Variants in CCDC192 observed in about 807,000 individuals in gnomAD.
CCDC192 encodes the protein coiled-coil domain-containing protein 192.
chr5:127,704,182 A>C (rs1279441375), intron 1 of CCDC192, among the ~76,000 whole-genome samples: 1 of 151,876 alleles, frequency 6.6e-6, no homozygotes, highest in Non-Finnish European at 1.5e-5. Flanking sequence ...TGCTTTTTAA[A>C]GTTTTTGTTT....
At chr5:127,812,223 AT>A (rs1758121200) in intron 5 of CCDC192, among the ~76,000 whole-genome samples, 1 of 152,244 alleles carries the variant, frequency 6.6e-6, no homozygotes, top group Non-Finnish European at 1.5e-5. Context: ...AAACAAAAAA[AT>A]AAAACAACAA....
At chr5:127,815,867 GA>G (rs937759014) in intron 5 of CCDC192, among the ~76,000 whole-genome samples, 30 of 144,046 alleles carry the variant, frequency 2.1e-4, no homozygotes, top group African/African-American at 6.5e-4. Flanking sequence ...GACTCTGTCT[GA>G]AAAAAAAAAT....
At position 127,853,642 on chromosome 5, in the gene CCDC192, G is replaced by A. The variant is rs554916096; in HGVS notation, c.412-21896G>A. Among the ~76,000 whole-genome samples, 18 of 152,140 alleles carry A rather than the reference G, an allele frequency of 1.2e-4. 1 individual carries two copies. In the South Asian group the frequency reaches 3.3e-3, roughly 28 times the overall value. On this transcript the variant is annotated intron_variant, in intron 5 of 6. Transcript: ENST00000514853. ...ACAAGAATTATCCGGGCGTGGTGAT[G>A]GGCACCTGTAATCCCAGCTACTCTG...
intron 5 of CCDC192, among the ~76,000 whole-genome samples, chr5:127,810,102 A>G (rs997970427): frequency 2.0e-5 from 3 of 152,210 alleles, no homozygotes; most frequent in African/African-American, 7.2e-5. Context: ...TGTTTCAGCC[A>G]CTTTAAGTTT....
chr5:127,806,813 G>T (rs1757812769), intron 5 of CCDC192, among the ~76,000 whole-genome samples: 1 of 152,028 alleles, frequency 6.6e-6, no homozygotes, highest in African/African-American at 2.4e-5. Flanking sequence ...TATTTTTATT[G>T]TTCTTAAAAA....
intron 5 of CCDC192, among the ~76,000 whole-genome samples, chr5:127,805,290 T>A (rs1757720431): frequency 6.6e-6 from 1 of 152,170 alleles, no homozygotes; most frequent in Non-Finnish European, 1.5e-5. Flanking sequence ...CCCTCCTTGA[T>A]CAGCAGAAGA....
chr5:127,782,152 C>T (rs1032369370), intron 3 of CCDC192, among the ~76,000 whole-genome samples: 2 of 152,094 alleles, frequency 1.3e-5, no homozygotes, highest in Admixed American at 6.5e-5. Flanking sequence ...GTTAAATCAT[C>T]CCTGGTATGA....
At chr5:127,890,704 A>G (rs767558095) in intron 6 of CCDC192, among the ~76,000 whole-genome samples, 6 of 152,242 alleles carry the variant, frequency 3.9e-5, no homozygotes, top group Non-Finnish European at 7.3e-5. Flanking sequence ...TGCCTGTGAA[A>G]TAAAATTAAC....
chr5:127,763,807 G>A (rs942207132), intron 3 of CCDC192, among the ~76,000 whole-genome samples: 9 of 151,978 alleles, frequency 5.9e-5, no homozygotes, highest in African/African-American at 4.8e-5. Context: ...CTTTCCCTCT[G>A]CTTCTGCCTA....
intron 2 of CCDC192, among the ~76,000 whole-genome samples, chr5:127,719,924 G>T (rs1228885): frequency 4.0e-5 from 6 of 151,418 alleles, no homozygotes; most frequent in African/African-American, 1.5e-4. Flanking sequence ...TCCACCCCCC[G>T]ATCCAATCAT....
At chr5:127,785,081 T>C (rs966129932) in intron 3 of CCDC192, 40 of 515,552 alleles carry the variant, frequency 7.8e-5, no homozygotes, top group African/African-American at 7.3e-4. Context: ...TGCTGTACAG[T>C]GTAGGCATCT....
chr5:127,923,877 T>G (rs1462498937), intron 6 of CCDC192, among the ~76,000 whole-genome samples: 1 of 152,212 alleles, frequency 6.6e-6, no homozygotes, highest in Non-Finnish European at 1.5e-5. Context: ...TTATGAAGAA[T>G]GCAACCACCT....
intron 3 of CCDC192, among the ~76,000 whole-genome samples, chr5:127,789,121 G>A (rs913465297): frequency 1.3e-5 from 2 of 152,174 alleles, no homozygotes; most frequent in African/African-American, 2.4e-5. Context: ...AAGTCACCAA[G>A]CCTGTGATAT....
intron 5 of CCDC192, among the ~76,000 whole-genome samples, chr5:127,845,731 TA>T (rs1013239976): frequency 4.0e-5 from 6 of 151,202 alleles, no homozygotes; most frequent in Admixed American, 3.3e-4. Flanking sequence ...AATGCAATTT[TA>T]AAAAAAAAGC....
chr5:127,757,647 A>G (rs935429483), intron 3 of CCDC192, among the ~76,000 whole-genome samples: 2 of 151,862 alleles, frequency 1.3e-5, no homozygotes, highest in African/African-American at 2.4e-5. Flanking sequence ...AGAATATTTC[A>G]GAATAGAACA....
intron 5 of CCDC192, among the ~76,000 whole-genome samples, chr5:127,832,197 G>A (rs1423382727): frequency 6.6e-6 from 1 of 152,102 alleles, no homozygotes; most frequent in Non-Finnish European, 1.5e-5. Context: ...GTACAGTGAG[G>A]TACAATTTCA....
chr5:127,775,434 G>T (rs1293904565), intron 3 of CCDC192, among the ~76,000 whole-genome samples: 1 of 152,130 alleles, frequency 6.6e-6, no homozygotes, highest in African/African-American at 2.4e-5. Context: ...AAGGGCTCTT[G>T]CCCATGTTTT....
intron 2 of CCDC192, among the ~76,000 whole-genome samples, chr5:127,752,568 TTGTC>T (rs1194241584): frequency 6.6e-6 from 1 of 152,220 alleles, no homozygotes; most frequent in Admixed American, 6.5e-5. Context: ...GTCTTTTTGT[TTGTC>T]TGTGCCCTGC....
chr5:127,752,654 C>A (rs1443288851), intron 2 of CCDC192, among the ~76,000 whole-genome samples: 12 of 152,354 alleles, frequency 7.9e-5, no homozygotes, highest in Non-Finnish European at 1.6e-4. Context: ...GTTAGAGCTT[C>A]CGGGCTGCTT....
Sources: gnomAD v4.1 joint callset for allele counts (sites outside exome capture counted in the v4.1 genomes callset) on GRCh38, gnomAD v4.1.1 for gene constraint, MANE v1.5 for transcripts, NCBI Gene and HGNC (gene_info 2026-07-23, HGNC 2026-07-21) for gene names.